PRKCQ: variants seen among roughly 807,000 people sequenced by gnomAD.
The protein encoded by PRKCQ is protein kinase C theta, also known as protein kinase C theta type.
In PRKCQ, 41 loss-of-function variants were observed where a neutral mutation model predicts 91.2. The observed-to-expected ratio is 0.45, with a 90% CI of 0.35 to 0.58. The LOEUF (loss-of-function observed/expected upper bound fraction) is 0.58. Ranked by LOEUF, PRKCQ falls within the 20% of genes least tolerant of loss-of-function variation. PRKCQ has a pLI of 0.00. For synonymous variants in PRKCQ, 307 were observed against 316.9 expected, an observed-to-expected ratio of 0.97 and a Z score of 0.33; for missense variants, 673 against 896.5, an observed-to-expected ratio of 0.75 and a Z score of 3.18.
intron 16 of PRKCQ, among the ~76,000 whole-genome samples, chr10:6,437,328 ATCTC>A (rs149249139): frequency 1.3e-5 from 2 of 150,850 alleles, no homozygotes; most frequent in Non-Finnish European, 3.0e-5. Context: ...ACCAGAGTTT[ATCTC>A]TCTCTCTCTC....
chr10:6,434,047 AAAG>A (rs1833562657), intron 16 of PRKCQ, among the ~76,000 whole-genome samples: 1 of 151,140 alleles, frequency 6.6e-6, no homozygotes, highest in Non-Finnish European at 1.5e-5. Context: ...AAAAAAAAAA[AAAG>A]GAAGCAAAAG....
chr10:6,497,403 C>G lies in PRKCQ; in HGVS notation c.543-152G>C. The G allele has an allele frequency of 1.1e-6, 1 of 906,772 alleles. No homozygotes were observed. Among genetic ancestry groups the G allele is most frequent in the Non-Finnish European group, 1.7e-6 (1 of 574,018 alleles). The allele number at this position is 906,772 out of a possible 1,614,324, so 56.2% of individuals were successfully genotyped here. On this transcript the variant is annotated intron_variant, in intron 5 of 17. Coordinates refer to ENST00000263125, the MANE Select transcript of PRKCQ (RefSeq NM_006257.5). This position sits in a 1 kb window ranked among gnomAD's most constrained non-coding sequence, Gnocchi z 4.5. ...TTGTATCATTTGCCAAGAGTATTAA[C>G]AGAGTGTTTTTCATTTGAAGCTGCG...
intron 1 of PRKCQ, among the ~76,000 whole-genome samples, chr10:6,515,905 T>C (rs763346409): frequency 8.5e-5 from 13 of 152,226 alleles, no homozygotes; most frequent in Middle Eastern, 3.2e-3. Flanking sequence ...ATTCTTCATC[T>C]ATTGTTCCAT....
rs570709664 is a variant in PRKCQ, at chr10:6,478,059, G to A, written c.1353+933C>T. On this transcript the variant is annotated intron_variant, in intron 12 of 17. Transcript: ENST00000263125. ...AAGAAGAATCATAATGCATGTGCAT[G>A]AAAACTAATCTTCGAGGATGTTCAT... Among the ~76,000 whole-genome samples, 15 of 152,292 alleles carry A rather than the reference G, an allele frequency of 9.8e-5. No individual in the cohort carries two copies. The South Asian group carries it at 2.9e-3, about 29-fold the overall frequency.
intron 1 of PRKCQ, among the ~76,000 whole-genome samples, chr10:6,534,347 G>A (rs1166992810): frequency 2.0e-5 from 3 of 152,080 alleles, no homozygotes; most frequent in Non-Finnish European, 4.4e-5. Flanking sequence ...CTGACATGAA[G>A]CTCTTTACAG....
At chr10:6,417,537 A>C in the PRKCQ span, among the ~76,000 whole-genome samples, 2 of 152,344 alleles carry the variant, frequency 1.3e-5, no homozygotes, top group Middle Eastern at 3.4e-3. Context: ...TGATGTTCGG[A>C]ATGCGTGCGA....
At chr10:6,562,224 T>C (rs1408110964) in intron 1 of PRKCQ, among the ~76,000 whole-genome samples, 4 of 152,168 alleles carry the variant, frequency 2.6e-5, no homozygotes, top group South Asian at 2.1e-4. Flanking sequence ...GCCTCATAAA[T>C]GCCCCGGTCA....
chr10:6,431,000 T>G lies in PRKCQ; in HGVS notation c.1837-62A>C, dbSNP rs601150. On this transcript the variant is annotated intron_variant, in intron 16 of 17. Coordinates refer to ENST00000263125, the MANE Select transcript of PRKCQ (RefSeq NM_006257.5). This position sits in a 1 kb window ranked among gnomAD's most constrained non-coding sequence, Gnocchi z 4.7. Reference sequence around the variant, plus strand: ...GGGATGACCCTTTTGCATCAGGAGGTCGTGGTGCTTCCTGGTGCACCAGCC... The same window carrying G: ...GGGATGACCCTTTTGCATCAGGAGGGCGTGGTGCTTCCTGGTGCACCAGCC... 1 allele frequency: 1,566,783 copies of G among 1,570,098 alleles called. 781,790 individuals carry two copies. The highest frequency in any genetic ancestry group is 1 in the East Asian group (44,026 of 44,026).
At chr10:6,522,985 TAAA>T (rs955451713) in intron 1 of PRKCQ, among the ~76,000 whole-genome samples, 1 of 150,726 alleles carries the variant, frequency 6.6e-6, no homozygotes, top group African/African-American at 2.4e-5. Flanking sequence ...AAAAGAAACA[TAAA>T]AAAAAACTTT....
chr10:6,522,883 T>C (rs1222712067), intron 1 of PRKCQ, among the ~76,000 whole-genome samples: 2 of 152,180 alleles, frequency 1.3e-5, no homozygotes, highest in Admixed American at 6.5e-5. Context: ...TAAACATCAA[T>C]TCAGAAAAAT....
At chr10:6,532,692 G>A (rs1266993300) in intron 1 of PRKCQ, among the ~76,000 whole-genome samples, 1 of 152,216 alleles carries the variant, frequency 6.6e-6, no homozygotes, top group Non-Finnish European at 1.5e-5. Context: ...GAAGGTAGAT[G>A]GAGTGAATAC....
chr10:6,427,956 T>C lies in PRKCQ; in HGVS notation c.*251A>G. On this transcript the variant is annotated 3_prime_UTR_variant, in exon 18 of 18. Coordinates refer to ENST00000263125, the MANE Select transcript of PRKCQ (RefSeq NM_006257.5). Reference sequence around the variant, plus strand: ...GAGACCCATCTTTCAAGTAAATAACTATGGTTAGTAATGACCTAACTTCAG... The same window carrying C: ...GAGACCCATCTTTCAAGTAAATAACCATGGTTAGTAATGACCTAACTTCAG... 2.1e-6 allele frequency: 1 copy of C among 478,210 alleles called. No homozygotes were observed. The highest frequency in any genetic ancestry group is 3.7e-6 in the Non-Finnish European group (1 of 267,002). The allele number at this position is 478,210 out of a possible 1,614,324, so 29.6% of individuals were successfully genotyped here. A position where few individuals can be genotyped will look rare whatever the true frequency, so the allele number is the denominator to read the frequency against.
rs61139175 is a variant in PRKCQ, at chr10:6,462,332, C to T, written c.1479G>A (p.Gln493=). The T allele has an allele frequency of 6.2e-7, 1 of 1,613,978 alleles. No individual in the cohort carries two copies. Among genetic ancestry groups the T allele is most frequent in the Non-Finnish European group, 8.5e-7 (1 of 1,179,914 alleles). Residue 493 remains glutamine (Q), a synonymous_variant, in exon 14 of 18, where the codon CAG becomes CAA. Transcript: ENST00000263125. Reference sequence around the variant, plus strand: ...AGACTATTCCTTTGGAATGAAGGAACTGCAGACCAAGAATGATTTCAGCAG... The same window carrying T: ...AGACTATTCCTTTGGAATGAAGGAATTGCAGACCAAGAATGATTTCAGCAG... ...FYAAEIILGL[Q]FLHSKGIVYR... is the part of the protein sequence containing the mutation.
chr10:6,421,615 C>T, the PRKCQ span, among the ~76,000 whole-genome samples: 10 of 152,198 alleles, frequency 6.6e-5, no homozygotes, highest in South Asian at 4.1e-4. The surrounding 1 kb of genome is among the most constrained non-coding windows in gnomAD (Gnocchi z 4.1). Context: ...TTCTGTTAGA[C>T]GGTGTCAGAA....
intron 1 of PRKCQ, among the ~76,000 whole-genome samples, chr10:6,569,915 C>CA (rs1840973713): frequency 6.6e-6 from 1 of 151,984 alleles, no homozygotes; most frequent in Non-Finnish European, 1.5e-5. Context: ...CTGGGGCAGT[C>CA]ATGACTGGGT....
intron 1 of PRKCQ, among the ~76,000 whole-genome samples, chr10:6,570,898 G>A (rs1841018401): frequency 6.6e-6 from 1 of 152,172 alleles, no homozygotes; most frequent in Non-Finnish European, 1.5e-5. Context: ...AGAAGGATGA[G>A]AGGATGGATT....
chr10:6,506,569 A>G (rs1049403305), intron 4 of PRKCQ, among the ~76,000 whole-genome samples: 2 of 152,222 alleles, frequency 1.3e-5, no homozygotes, highest in Non-Finnish European at 2.9e-5. Flanking sequence ...TGAATTCACC[A>G]TGCCTCAATA....
At chr10:6,553,512 A>ATAAAAGT (rs375879407) in intron 1 of PRKCQ, among the ~76,000 whole-genome samples, 1 of 140,804 alleles carries the variant, frequency 7.1e-6, no homozygotes, top group Non-Finnish European at 1.5e-5. Flanking sequence ...AAAAAAAAAA[A>ATAAAAGT]AAAAACAAAC....
At chr10:6,501,300 A>G (rs608588) in intron 4 of PRKCQ, among the ~76,000 whole-genome samples, 150,465 of 152,182 alleles carry the variant, frequency 0.99, 74,406 homozygotes, top group East Asian at 1. Flanking sequence ...AGAAGAGATG[A>G]TGTTCAAGAT....
Sources: allele counts gnomAD v4.1 joint callset (sites outside exome capture counted in the v4.1 genomes callset), GRCh38; gene constraint gnomAD v4.1.1; non-coding constraint Gnocchi (gnomAD v3.1); transcripts MANE v1.5; gene names NCBI Gene and HGNC (gene_info 2026-07-23, HGNC 2026-07-21).